Variants in CPSF4L observed in about 807,000 individuals in gnomAD.
The protein encoded by CPSF4L is putative cleavage and polyadenylation specificity factor subunit 4-like protein.
CPSF4L carries 18 observed loss-of-function variants against 24.0 expected under a neutral mutation model. The ratio of observed to expected loss-of-function variants is 0.75; its 90% CI spans 0.52 to 1.11. The LOEUF is 1.11. Among genes scored for constraint, CPSF4L ranks in the 50% least tolerant of loss-of-function variants. The probability of loss-of-function intolerance (pLI) is 0.00; values close to 1 mark genes in which losing one functional copy is unlikely to be tolerated. For synonymous variants in CPSF4L, 72 were observed against 77.2 expected (o/e 0.93, Z 0.35); for missense variants, 211 against 221.8 (o/e 0.95, Z 0.31).
upstream of CPSF4L, among the ~76,000 whole-genome samples, chr17:73,262,703 C>G (rs2062051974): frequency 6.6e-6 from 1 of 152,250 alleles, no homozygotes; most frequent in South Asian, 2.1e-4. Flanking sequence ...GGTTCCCCCT[C>G]CCCCTGCTCT....
intron 2 of CPSF4L, 31 bp downstream of exon 2, chr17:73,260,902 G>A (rs1348649226): frequency 6.5e-7 from 1 of 1,544,692 alleles, no homozygotes; most frequent in East Asian, 2.4e-5. Flanking sequence ...CACTCACCCA[G>A]CTTGGGGCCC....
chr17:73,250,862 C>T, intron 5 of CPSF4L: 1 of 797,186 alleles, frequency 1.3e-6, no homozygotes, highest in Non-Finnish European at 1.9e-6. Context: ...TCCCCTAATT[C>T]ACACTCCTAT....
intron 3 of CPSF4L, among the ~76,000 whole-genome samples, chr17:73,255,384 G>T (rs1287784451): frequency 6.6e-6 from 1 of 152,002 alleles, no homozygotes. Context: ...GCACGTGCCT[G>T]TAGTCCCAGT....
chr17:73,262,084 G>T, upstream of CPSF4L: 1 of 460,898 alleles, frequency 2.2e-6, no homozygotes, highest in Non-Finnish European at 4.0e-6. Context: ...CTCGGATAGG[G>T]AGGGATTCGC....
chr17:73,253,933 T>C lies in CPSF4L; in HGVS notation c.401A>G (p.Asp134Gly). The change falls in exon 4 of 6, where the codon GAC becomes GGC. Residue 134 changes from aspartate to glycine, a missense_variant and splice_region_variant. Physicochemically the swap from Asp to Gly is moderately conservative, Grantham distance 94. Coordinates refer to ENST00000344935, the MANE Select transcript of CPSF4L (RefSeq NM_001129885.1). ...CTCCCTGGCTTCCAAGGCCTCACCG[T>C]CCTTGCAGAAACCTTGGTCATACCA... ...CPWYDQGFCK[D>G]GPLCKYRHVP... The C allele has an allele frequency of 6.5e-7, 1 of 1,549,928 alleles. No individual in the cohort carries two copies. Among genetic ancestry groups the C allele is most frequent in the Non-Finnish European group, 8.7e-7 (1 of 1,145,516 alleles).
At chr17:73,248,172 GT>G (rs1395235537), downstream of CPSF4L, 1 of 303,308 alleles carries the variant, frequency 3.3e-6, no homozygotes, top group African/African-American at 2.1e-5. Context: ...ATTCCTATCA[GT>G]TCATTTGCAC....
chr17:73,256,257 G>T lies in CPSF4L; in HGVS notation c.307+1424C>A, dbSNP rs562987768. On this transcript the variant is annotated intron_variant, in intron 3 of 5. Transcript: ENST00000344935. ...ACAGAATGCTAGGCAGTGACCAAGGGGAACTTGGATAAACATTGTCCTTTC... is the reference window on the plus strand; with the variant it reads ...ACAGAATGCTAGGCAGTGACCAAGGTGAACTTGGATAAACATTGTCCTTTC... Among the ~76,000 whole-genome samples, 116 of 152,308 alleles carry T rather than the reference G, an allele frequency of 7.6e-4. 1 individual carries two copies. The highest frequency in any genetic ancestry group is 2.5e-3 in the African/African-American group (106 of 41,572).
At chr17:73,262,709 G>A (rs1033062177), upstream of CPSF4L, among the ~76,000 whole-genome samples, 1 of 152,354 alleles carries the variant, frequency 6.6e-6, no homozygotes, top group East Asian at 1.9e-4. Context: ...CCCTCCCCCT[G>A]CTCTGGCCCC....
intron 3 of CPSF4L, among the ~76,000 whole-genome samples, chr17:73,256,114 G>A (rs2062024099): frequency 1.3e-5 from 2 of 152,182 alleles, no homozygotes; most frequent in South Asian, 2.1e-4. Context: ...AGTTATCTGG[G>A]GGCGGAGGGG....
intron 2 of CPSF4L, among the ~76,000 whole-genome samples, chr17:73,259,762 C>A (rs916612852): frequency 5.9e-5 from 9 of 152,230 alleles, no homozygotes; most frequent in Middle Eastern, 3.2e-3. Context: ...GCGAACATGG[C>A]CCCAGGTCCT....
chr17:73,254,163 T>C, intron 3 of CPSF4L, 137 bp from the exon 4 acceptor site: 1 of 665,756 alleles, frequency 1.5e-6, no homozygotes, highest in South Asian at 1.8e-5. Flanking sequence ...TTTTTGAAGA[T>C]GGAAAGTATG....
At chr17:73,245,658 G>C (rs1384640813), downstream of CPSF4L, 1 of 985,172 alleles carries the variant, frequency 1.0e-6, no homozygotes, top group Non-Finnish European at 1.2e-6. Flanking sequence ...TAGTTTCTTT[G>C]GGGCCCTTGA....
At chr17:73,243,505 A>G (rs991288281), downstream of CPSF4L, among the ~76,000 whole-genome samples, 1 of 148,416 alleles carries the variant, frequency 6.7e-6, no homozygotes, top group African/African-American at 2.5e-5. Context: ...ATAAGATTTG[A>G]CTAGAATTTA....
intron 3 of CPSF4L, among the ~76,000 whole-genome samples, chr17:73,256,364 G>T (rs2062024648): frequency 6.6e-6 from 1 of 152,216 alleles, no homozygotes; most frequent in Admixed American, 6.5e-5. Context: ...ATTAGCCTGG[G>T]TGGGGCTCTG....
At chr17:73,242,662 A>G in the CPSF4L span, among the ~76,000 whole-genome samples, 1 of 152,226 alleles carries the variant, frequency 6.6e-6, no homozygotes, top group African/African-American at 2.4e-5. Flanking sequence ...AACCAGTTGT[A>G]TTAGCCTCCT....
At chr17:73,247,507 A>G (rs2061968868), downstream of CPSF4L, 1 of 613,624 alleles carries the variant, frequency 1.6e-6, no homozygotes, top group Admixed American at 3.0e-5. Context: ...GCTATAAATA[A>G]AGTAGTATCA....
At chr17:73,254,205 A>C (rs2062015889) in intron 3 of CPSF4L, among the ~76,000 whole-genome samples, 179 bp from the exon 4 acceptor site, 2 of 152,200 alleles carry the variant, frequency 1.3e-5, no homozygotes, top group Admixed American at 1.3e-4. Context: ...AAAAGGGTGG[A>C]TCCCAGTCCT....
At chr17:73,261,428 A>C (rs368157750) in intron 1 of CPSF4L, among the ~76,000 whole-genome samples, 1 of 152,018 alleles carries the variant, frequency 6.6e-6, no homozygotes. Context: ...TTGGGAGGCC[A>C]AGGCGGGCGG....
At chr17:73,242,862 G>T in the CPSF4L span, 1 of 1,567,750 alleles carries the variant, frequency 6.4e-7, no homozygotes, top group Non-Finnish European at 8.7e-7. Flanking sequence ...AGTTTCAGTT[G>T]CTGTAACAAC....
Sources: gnomAD v4.1 joint callset for allele counts (sites outside exome capture counted in the v4.1 genomes callset) on GRCh38, gnomAD v4.1.1 for gene constraint, MANE v1.5 for transcripts, NCBI Gene and HGNC (gene_info 2026-07-23, HGNC 2026-07-21) for gene names.